Variants in OR10G2 observed in about 807,000 individuals in gnomAD.
The protein encoded by OR10G2 is olfactory receptor family 10 subfamily G member 2.
For missense variants in OR10G2, 396 were observed against 387.6 expected, an observed-to-expected ratio of 1.02 and a Z score of -0.18; for synonymous variants, 147 against 164.2, an observed-to-expected ratio of 0.90 and a Z score of 0.80.
rs1463215618 is a variant in OR10G2 at position 21,634,166 on chromosome 14, A to G, written c.677T>C (p.Ile226Thr). 1.9e-6 allele frequency: 3 copies of G among 1,613,986 alleles called. No individual in the cohort carries two copies. The highest frequency in any genetic ancestry group is 2.5e-6 in the Non-Finnish European group (3 of 1,179,962). ...GCGTATCTTCAGGATGGCATTTACT[A>G]TGTTGGCATACGAGAGCAGAATTAA... is the stretch of plus-strand genomic sequence containing the variant. Reference protein sequence around the residue: ...FMLILLSYANIVNAILKIRTT... With the variant: ...FMLILLSYANTVNAILKIRTT... Residue 226 changes from isoleucine (I) to threonine (T), a missense_variant, in exon 1 of 1, where the codon ATA (isoleucine) becomes ACA (threonine). Ile to Thr is a moderately conservative substitution (Grantham distance 89). Transcript: ENST00000542433.
chr14:21,634,138 G>A lies in OR10G2; in HGVS notation c.705C>T (p.Thr235=), dbSNP rs771325287. The A allele has an allele frequency of 1.1e-5, 18 of 1,613,544 alleles. No homozygotes were observed. In the Admixed American group the frequency reaches 1.2e-4, roughly 10 times the overall value. The change falls in exon 1 of 1, where the codon ACC becomes ACT. Residue 235 remains threonine (T), a synonymous_variant. Coordinates refer to ENST00000542433, the MANE Select transcript of OR10G2 (RefSeq NM_001005466.2). ...AGAAGGCCCGGCGCCTCCCATCAGT[G>A]GTGCGTATCTTCAGGATGGCATTTA... ...NIVNAILKIR[T]TDGRRRAFST... is the part of the protein sequence containing the mutation.
Position 21,634,543 on chromosome 14 carries a change from A to G in OR10G2, c.300T>C (p.Gly100=). The G allele has an allele frequency of 3.7e-6, 6 of 1,614,204 alleles. No individual in the cohort carries two copies. Among genetic ancestry groups the G allele is most frequent in the Non-Finnish European group, 5.1e-6 (6 of 1,180,028 alleles). ...AGAAATACAGTTGAGCCACACAGCCACCAAACGGGATAGCCTTGATGGAAG... is the reference window on the plus strand; with the variant it reads ...AGAAATACAGTTGAGCCACACAGCCGCCAAACGGGATAGCCTTGATGGAAG... ...FTPSIKAIPF[G]GCVAQLYFFH... Residue 100 remains glycine (G), a synonymous_variant, in exon 1 of 1, where the codon GGT becomes GGC. Coordinates refer to ENST00000542433, the MANE Select transcript of OR10G2 (RefSeq NM_001005466.2).
chr14:21,634,710 C>G lies in OR10G2; in HGVS notation c.133G>C (p.Gly45Arg), dbSNP rs748534188. Residue 45 changes from glycine to arginine, a missense_variant, in exon 1 of 1, where the codon GGG (glycine) becomes CGG (arginine). Gly to Arg is a moderately radical substitution (Grantham distance 125, BLOSUM62 -2). Transcript: ENST00000542433. Reference sequence around the variant, plus strand: ...ATGGTGAGCAGAATGAGCAGGTTCCCCAGCTGAGTGAGGATGTAAATGATG... The same window carrying G: ...ATGGTGAGCAGAATGAGCAGGTTCCGCAGCTGAGTGAGGATGTAAATGATG... ...FFIIYILTQL[G>R]NLLILLTMWA... 45 of 1,614,064 alleles carry G rather than the reference C, an allele frequency of 2.8e-5. No individual in the cohort carries two copies. The South Asian group carries it at 4.8e-4, about 17-fold the overall frequency.
Position 21,634,518 on chromosome 14 carries a change from A to G in OR10G2, c.325T>C (p.Phe109Leu). 6.2e-7 allele frequency: 1 copy of G among 1,614,212 alleles called. No individual in the cohort carries two copies. Among genetic ancestry groups the G allele is most frequent in the Non-Finnish European group, 8.5e-7 (1 of 1,180,032 alleles). ...FGGCVAQLYFFHFLGSTQCFL... is the reference protein window; with the variant it reads ...FGGCVAQLYFLHFLGSTQCFL... ...CACTGGGTGCTGCCCAGGAAGTGAA[A>G]GAAATACAGTTGAGCCACACAGCCA... The change falls in exon 1 of 1, where the codon TTT becomes CTT. Residue 109 changes from phenylalanine to leucine, a missense_variant. Coordinates refer to ENST00000542433, the MANE Select transcript of OR10G2 (RefSeq NM_001005466.2).
chr14:21,633,871 T>C lies in OR10G2; in HGVS notation c.*39A>G. 7.1e-7 allele frequency: 1 copy of C among 1,410,140 alleles called. No individual in the cohort carries two copies. Among genetic ancestry groups the C allele is most frequent in the Non-Finnish European group, 9.8e-7 (1 of 1,022,678 alleles). 87.4% of individuals were successfully genotyped at this position (1,410,140 alleles called of 1,614,324 possible). Reference sequence around the variant, plus strand: ...CAGTAGCTGAAGAGAGTGGCAGTGATAATGATGCAGATGTAGTTACTTATT... The same window carrying C: ...CAGTAGCTGAAGAGAGTGGCAGTGACAATGATGCAGATGTAGTTACTTATT... On this transcript the variant is annotated 3_prime_UTR_variant, in exon 1 of 1. Transcript: ENST00000542433.
In OR10G2 at chr14:21,634,328, G is replaced by A. The variant is rs1878611374; in HGVS notation, c.515C>T (p.Pro172Leu). 3 of 1,614,208 alleles carry A rather than the reference G, an allele frequency of 1.9e-6. No individual in the cohort carries two copies. In the East Asian group the frequency reaches 6.7e-5, roughly 36 times the overall value. The part of the protein sequence containing the change: ...SIQATLTFRL[P>L]YCGPNQVDYF... ...ATCCACCTGATTGGGCCCACAGTAGGGCAGGCGGAAGGTCAAGGTGGCCTG... is the reference window on the plus strand; with the variant it reads ...ATCCACCTGATTGGGCCCACAGTAGAGCAGGCGGAAGGTCAAGGTGGCCTG... The change falls in exon 1 of 1, where the codon CCC becomes CTC. Residue 172 changes from proline (P) to leucine (L), a missense_variant. By Grantham distance (98) the Pro-to-Leu change is moderately conservative (BLOSUM62 -3). Transcript: ENST00000542433.
chr14:21,634,265 G>C lies in OR10G2; in HGVS notation c.578C>G (p.Ala193Gly), dbSNP rs780630672. ...ICDIPAVLRL[A>G]CADTTVNELV... The stretch of plus-strand genomic sequence containing the variant: ...CTCATTGACAGTTGTGTCAGCACAG[G>C]CCAGTCTCAATACTGCGGGGATGTC... The change falls in exon 1 of 1, where the codon GCC becomes GGC. Residue 193 changes from alanine (A) to glycine (G), a missense_variant. By Grantham distance (60) the Ala-to-Gly change is moderately conservative. Transcript: ENST00000542433. The C allele has an allele frequency of 2.1e-5, 34 of 1,614,068 alleles. No homozygotes were observed. The highest frequency in any genetic ancestry group is 2.7e-5 in the Non-Finnish European group (32 of 1,180,036).
At position 21,634,682 on chromosome 14, in the gene OR10G2, C is replaced by T. The variant is rs375779999; in HGVS notation, c.161G>A (p.Trp54Ter). The change falls in exon 1 of 1, where the codon TGG becomes TAG. Residue 54 changes from tryptophan (W) to a stop codon, truncating the protein, a stop_gained. Coordinates refer to ENST00000542433, the MANE Select transcript of OR10G2 (RefSeq NM_001005466.2). LOFTEE classifies it low-confidence loss of function (END_TRUNC). ...LGNLLILLTM[W>*]ADPKLCARPM... is the part of the protein sequence containing the mutation. ...GCGAGCACAGAGCTTCGGGTCAGCC[C>T]ACATGGTGAGCAGAATGAGCAGGTT... is the stretch of plus-strand genomic sequence containing the variant. 5.0e-6 allele frequency: 8 copies of T among 1,613,990 alleles called. No homozygotes were observed. The African/African-American group carries it at 6.7e-5, about 13-fold the overall frequency.
rs768332745 is a variant in OR10G2 at position 21,634,453 on chromosome 14, T to C, written c.390A>G (p.Ala130=). 1.9e-6 allele frequency: 3 copies of C among 1,614,224 alleles called. No homozygotes were observed. Among genetic ancestry groups the C allele is most frequent in the Non-Finnish European group, 2.5e-6 (3 of 1,180,042 alleles). ...YTLMAYDRYL[A]ICQPLRYPVL... is the part of the protein sequence containing the mutation. The stretch of plus-strand genomic sequence containing the variant: ...CTGGGTAGCGCAGGGGCTGACATAT[T>C]GCCAGGTACCTGTCATAGGCCATCA... Residue 130 remains alanine, a synonymous_variant, in exon 1 of 1, where the codon GCA becomes GCG. Transcript: ENST00000542433.
Position 21,634,524 on chromosome 14 carries a change from A to G in OR10G2, c.319T>C (p.Tyr107His), listed in dbSNP as rs757298026. 2 of 1,614,220 alleles carry G rather than the reference A, an allele frequency of 1.2e-6. No individual in the cohort carries two copies. The highest frequency in any genetic ancestry group is 4.5e-5 in the East Asian group (2 of 44,886). The stretch of plus-strand genomic sequence containing the variant: ...GTGCTGCCCAGGAAGTGAAAGAAAT[A>G]CAGTTGAGCCACACAGCCACCAAAC... ...IPFGGCVAQL[Y>H]FFHFLGSTQC... The change falls in exon 1 of 1, where the codon TAT (tyrosine) becomes CAT (histidine). Residue 107 changes from tyrosine (Y) to histidine (H), a missense_variant. Tyr to His is a moderately conservative substitution (Grantham distance 83, BLOSUM62 2). Transcript: ENST00000542433.
In OR10G2 at chr14:21,634,143, G is replaced by T; in HGVS notation, c.700C>A (p.Arg234Ser). ...ANIVNAILKI[R>S]TTDGRRRAFS... ...GCCCGGCGCCTCCCATCAGTGGTGC[G>T]TATCTTCAGGATGGCATTTACTATG... is the stretch of plus-strand genomic sequence containing the variant. Residue 234 changes from arginine (R) to serine (S), a missense_variant, in exon 1 of 1, where the codon CGC becomes AGC. Arg to Ser is a moderately radical substitution (Grantham distance 110). Transcript: ENST00000542433. The T allele has an allele frequency of 6.2e-7, 1 of 1,613,650 alleles. No individual in the cohort carries two copies. Among genetic ancestry groups the T allele is most frequent in the South Asian group, 1.1e-5 (1 of 91,058 alleles).
rs1317529135 is a variant in OR10G2 at position 21,634,454 on chromosome 14, G to A, written c.389C>T (p.Ala130Val). Residue 130 changes from alanine to valine, a missense_variant, in exon 1 of 1, where the codon GCA becomes GTA. Physicochemically the swap from Ala to Val is moderately conservative, Grantham distance 64. Transcript: ENST00000542433. ...TGGGTAGCGCAGGGGCTGACATATT[G>A]CCAGGTACCTGTCATAGGCCATCAA... ...YTLMAYDRYL[A>V]ICQPLRYPVL... is the part of the protein sequence containing the mutation. 2 of 1,614,212 alleles carry A rather than the reference G, an allele frequency of 1.2e-6. No homozygotes were observed. Among genetic ancestry groups the A allele is most frequent in the Admixed American group, 3.3e-5 (2 of 60,020 alleles).
In OR10G2 at chr14:21,634,429, T is replaced by C. The variant is rs1224244546; in HGVS notation, c.414A>G (p.Pro138=). The change falls in exon 1 of 1, where the codon CCA becomes CCG. Residue 138 remains proline (P), a synonymous_variant. Transcript: ENST00000542433. ...TGCATAACCTCCCATTCATGAGCAC[T>C]GGGTAGCGCAGGGGCTGACATATTG... is the stretch of plus-strand genomic sequence containing the variant. ...YLAICQPLRY[P]VLMNGRLCTV... 6.2e-7 allele frequency: 1 copy of C among 1,614,182 alleles called. No individual in the cohort carries two copies. The highest frequency in any genetic ancestry group is 8.5e-7 in the Non-Finnish European group (1 of 1,180,036).
chr14:21,634,042 AG>A lies in OR10G2; in HGVS notation c.800del (p.Ala267ValfsTer22), dbSNP rs1381033945. 1.2e-6 allele frequency: 2 copies of A among 1,614,114 alleles called. No homozygotes were observed. The highest frequency in any genetic ancestry group is 2.7e-5 in the African/African-American group (2 of 74,934). Reference protein sequence around the residue: ...YVPCIFIYLRAGSKDPLDGAA... With the variant: ...YVPCIFIYLRXGSKDPLDGAA... ...CCCCATCCAGGGGGTCTTTGGAGCCAGCCCTAAGGTAGATGAAAATACAGGG... is the reference window on the plus strand; with the variant it reads ...CCCCATCCAGGGGGTCTTTGGAGCCACCCTAAGGTAGATGAAAATACAGGG... On this transcript the variant is annotated frameshift_variant, in exon 1 of 1. Transcript: ENST00000542433. LOFTEE classifies it low-confidence loss of function (END_TRUNC).
At position 21,634,619 on chromosome 14, in the gene OR10G2, T is replaced by C. The variant is rs1184520507; in HGVS notation, c.224A>G (p.Asp75Gly). The C allele has an allele frequency of 6.2e-7, 1 of 1,614,018 alleles. No individual in the cohort carries two copies. Among genetic ancestry groups the C allele is most frequent in the Admixed American group, 1.7e-5 (1 of 60,000 alleles). ...YILLGVLSFL[D>G]MWLSSVTVPL... ...AACGGTGACTGAGGAGAGCCACATG[T>C]CCAGGAATGAGAGCACTCCCAGAAG... The change falls in exon 1 of 1, where the codon GAC becomes GGC. Residue 75 changes from aspartate (D) to glycine (G), a missense_variant. By Grantham distance (94) the Asp-to-Gly change is moderately conservative. Transcript: ENST00000542433.
rs1341875443 is a variant in OR10G2 at position 21,634,215 on chromosome 14, C to T, written c.628G>A (p.Val210Ile). 12 of 1,614,172 alleles carry T rather than the reference C, an allele frequency of 7.4e-6. No individual in the cohort carries two copies. Among genetic ancestry groups the T allele is most frequent in the Non-Finnish European group, 1.0e-5 (12 of 1,180,020 alleles). The change falls in exon 1 of 1, where the codon GTA becomes ATA. Residue 210 changes from valine to isoleucine, a missense_variant. Coordinates refer to ENST00000542433, the MANE Select transcript of OR10G2 (RefSeq NM_001005466.2). ...AACATGAAGCAACTGGCGGCCACTA[C>T]CCCGACGTCCACAAAGGTCACAAGC... is the stretch of plus-strand genomic sequence containing the variant. ...NELVTFVDVG[V>I]VAASCFMLIL...
chr14:21,634,452 T>C lies in OR10G2; in HGVS notation c.391A>G (p.Ile131Val), dbSNP rs1220571104. 6.2e-7 allele frequency: 1 copy of C among 1,614,184 alleles called. No individual in the cohort carries two copies. The highest frequency in any genetic ancestry group is 8.5e-7 in the Non-Finnish European group (1 of 1,180,036). Residue 131 changes from isoleucine (I) to valine (V), a missense_variant, in exon 1 of 1, where the codon ATA becomes GTA. By Grantham distance (29) the Ile-to-Val change is conservative. Coordinates refer to ENST00000542433, the MANE Select transcript of OR10G2 (RefSeq NM_001005466.2). Reference protein sequence around the residue: ...TLMAYDRYLAICQPLRYPVLM... With the variant: ...TLMAYDRYLAVCQPLRYPVLM... ...ACTGGGTAGCGCAGGGGCTGACATA[T>C]TGCCAGGTACCTGTCATAGGCCATC...
At position 21,634,931 on chromosome 14, in the gene OR10G2, G is replaced by C; in HGVS notation, c.-89C>G. On this transcript the variant is annotated 5_prime_UTR_variant, in exon 1 of 1. The change creates a new upstream start codon in the 5' untranslated region. Transcript: ENST00000542433. ...TTGTAAGTGAATGCTTTTGTCGGATGATTGATGCCTAGGAATTATGAGATA... is the reference window on the plus strand; with the variant it reads ...TTGTAAGTGAATGCTTTTGTCGGATCATTGATGCCTAGGAATTATGAGATA... 1 of 1,031,336 alleles carries C rather than the reference G, an allele frequency of 9.7e-7. No individual in the cohort carries two copies. The highest frequency in any genetic ancestry group is 1.4e-6 in the Non-Finnish European group (1 of 697,820). 63.9% of individuals were successfully genotyped at this position (1,031,336 alleles called of 1,614,324 possible). A position where few individuals can be genotyped will look rare whatever the true frequency, so the allele number is the denominator to read the frequency against.
In OR10G2 at chr14:21,634,701, G is replaced by T; in HGVS notation, c.142C>A (p.Leu48Ile). ...TCAGCCCACATGGTGAGCAGAATGAGCAGGTTCCCCAGCTGAGTGAGGATG... is the reference window on the plus strand; with the variant it reads ...TCAGCCCACATGGTGAGCAGAATGATCAGGTTCCCCAGCTGAGTGAGGATG... Reference protein sequence around the residue: ...IYILTQLGNLLILLTMWADPK... With the variant: ...IYILTQLGNLIILLTMWADPK... The change falls in exon 1 of 1, where the codon CTC becomes ATC. Residue 48 changes from leucine (L) to isoleucine (I), a missense_variant. Coordinates refer to ENST00000542433, the MANE Select transcript of OR10G2 (RefSeq NM_001005466.2). 2 of 1,614,192 alleles carry T rather than the reference G, an allele frequency of 1.2e-6. No individual in the cohort carries two copies. Among genetic ancestry groups the T allele is most frequent in the Non-Finnish European group, 1.7e-6 (2 of 1,180,026 alleles).
Sources: allele counts gnomAD v4.1 joint callset, GRCh38; gene constraint gnomAD v4.1.1; transcripts MANE v1.5; gene names NCBI Gene and HGNC (gene_info 2026-07-23, HGNC 2026-07-21).